Variants in EHMT1 observed in about 807,000 individuals in gnomAD.
The protein encoded by EHMT1 is euchromatic histone lysine methyltransferase 1.
EHMT1 carries 15 observed loss-of-function variants against 147.2 expected under a neutral mutation model. The observed-to-expected ratio is 0.10, with a 90% CI of 0.07 to 0.16. EHMT1 has a LOEUF of 0.16. Ranked by LOEUF, EHMT1 falls within the 10% of genes least tolerant of loss-of-function variation. The pLI, the probability that EHMT1 is intolerant of heterozygous loss-of-function variation, is 1.00. For synonymous variants in EHMT1, 795 were observed against 709.6 expected (o/e 1.12, Z -1.91); for missense variants, 1,587 against 1,772.4 (o/e 0.90, Z 1.88).
chr9:137,827,109 C>T (rs1335896459), intron 25 of EHMT1, among the ~76,000 whole-genome samples: 4 of 152,180 alleles, frequency 2.6e-5, no homozygotes, highest in Non-Finnish European at 2.9e-5. Context: ...TCTGGAGCCA[C>T]GCCTGCCCTC....
intron 1 of EHMT1, among the ~76,000 whole-genome samples, chr9:137,707,040 G>A (rs1018070204): frequency 6.6e-5 from 10 of 152,174 alleles, no homozygotes; most frequent in African/African-American, 2.4e-4. Context: ...GGCCAGACTG[G>A]TCTCCAACTC....
chr9:137,709,913 A>G (rs1944550718), intron 1 of EHMT1, among the ~76,000 whole-genome samples: 1 of 152,028 alleles, frequency 6.6e-6, no homozygotes, highest in Admixed American at 6.6e-5. Context: ...TCACATCACC[A>G]GGTGTGGGTG....
intron 1 of EHMT1, among the ~76,000 whole-genome samples, chr9:137,702,712 G>GC (rs1943938543): frequency 6.6e-6 from 1 of 152,200 alleles, no homozygotes; most frequent in African/African-American, 2.4e-5. Flanking sequence ...ACTAGGCAGT[G>GC]CCCCAGTGGA....
intron 1 of EHMT1, among the ~76,000 whole-genome samples, chr9:137,632,995 C>T (rs1843729515): frequency 6.6e-6 from 1 of 152,250 alleles, no homozygotes; most frequent in East Asian, 1.9e-4. Context: ...GGATTGTAGA[C>T]GGATGGCAGT....
chr9:137,619,481 G>T (rs1842819576), intron 1 of EHMT1, among the ~76,000 whole-genome samples: 1 of 152,080 alleles, frequency 6.6e-6, no homozygotes, highest in African/African-American at 2.4e-5. Flanking sequence ...GCCGGCCGAG[G>T]CGAGGCTGTC....
chr9:137,758,229 C>T (rs1183070544), intron 9 of EHMT1, among the ~76,000 whole-genome samples: 2 of 152,276 alleles, frequency 1.3e-5, no homozygotes, highest in African/African-American at 2.4e-5. Flanking sequence ...TAAGAGTCAA[C>T]TGGCGAAGCC....
At position 137,738,222 on chromosome 9, in the gene EHMT1, CAAAA is replaced by C. The variant is rs150259101; in HGVS notation, c.824-5144_824-5141del. Among the ~76,000 whole-genome samples, 12 of 147,878 alleles carry C rather than the reference CAAAA, an allele frequency of 8.1e-5. No individual in the cohort carries two copies. In the East Asian group the frequency reaches 1.4e-3, roughly 17 times the overall value. The stretch of plus-strand genomic sequence containing the variant: ...AAAAACAACAACAAAAAAAAAACAA[CAAAA>C]AAAACCCAAAAAAGGCAAAGGACTG... On this transcript the variant is annotated intron_variant, in intron 4 of 26. Transcript: ENST00000460843.
chr9:137,795,541 A>G (rs1246305229), intron 16 of EHMT1, among the ~76,000 whole-genome samples: 1 of 152,162 alleles, frequency 6.6e-6, no homozygotes, highest in African/African-American at 2.4e-5. Context: ...TGTGAGTGAA[A>G]TTGAGGTACC....
chr9:137,640,632 A>C (rs910144167), intron 1 of EHMT1, among the ~76,000 whole-genome samples: 2 of 152,232 alleles, frequency 1.3e-5, no homozygotes, highest in African/African-American at 4.8e-5. Flanking sequence ...TCTGAGCCCA[A>C]TATGCAGAGA....
At chr9:137,639,433 T>C (rs895055394) in intron 1 of EHMT1, among the ~76,000 whole-genome samples, 1 of 152,234 alleles carries the variant, frequency 6.6e-6, no homozygotes, top group Non-Finnish European at 1.5e-5. Context: ...TACAGTACTG[T>C]CGAATTTTAC....
intron 6 of EHMT1, among the ~76,000 whole-genome samples, chr9:137,751,067 G>A (rs923073644): frequency 5.3e-5 from 8 of 152,100 alleles, no homozygotes; most frequent in African/African-American, 9.7e-5. Context: ...TTGCAGGGTC[G>A]GTTTTAGAGT....
chr9:137,796,641 T>G (rs1952968278), intron 16 of EHMT1, among the ~76,000 whole-genome samples: 1 of 134,840 alleles, frequency 7.4e-6, no homozygotes, highest in Non-Finnish European at 1.5e-5. Context: ...GAGGCGGCAT[T>G]GGCAGTGAGC....
intron 25 of EHMT1, among the ~76,000 whole-genome samples, chr9:137,829,258 T>C (rs1415940735): frequency 6.6e-6 from 1 of 152,250 alleles, no homozygotes; most frequent in Non-Finnish European, 1.5e-5. Context: ...AAAAATGTTT[T>C]ACTTCTCTGC....
intron 17 of EHMT1, among the ~76,000 whole-genome samples, chr9:137,799,237 C>T (rs1320797025): frequency 6.6e-6 from 1 of 152,064 alleles, no homozygotes; most frequent in African/African-American, 2.4e-5. Context: ...CCTCCCTGTC[C>T]CCTTCTTCCC....
chr9:137,632,074 A>G (rs1413269413), intron 1 of EHMT1, among the ~76,000 whole-genome samples: 2 of 152,158 alleles, frequency 1.3e-5, no homozygotes, highest in East Asian at 1.9e-4. Context: ...CACACAGCCT[A>G]GATGTGTAAT....
chr9:137,657,351 T>C (rs1257496514), intron 1 of EHMT1, among the ~76,000 whole-genome samples: 2 of 152,088 alleles, frequency 1.3e-5, no homozygotes, highest in Non-Finnish European at 2.9e-5. Flanking sequence ...AGTGTCTTTC[T>C]CGTGGCAGTG....
intron 3 of EHMT1, among the ~76,000 whole-genome samples, chr9:137,724,871 G>A (rs1372796635): frequency 0.022 from 3,231 of 145,672 alleles, 113 homozygotes; most frequent in African/African-American, 0.083. Flanking sequence ...CATTCGTGGG[G>A]CAGACGTGTG....
In EHMT1 at chr9:137,743,975, A is replaced by C; in HGVS notation, c.1055A>C (p.Asp352Ala). The C allele has an allele frequency of 6.2e-7, 1 of 1,613,942 alleles. No homozygotes were observed. Among genetic ancestry groups the C allele is most frequent in the South Asian group, 1.1e-5 (1 of 91,062 alleles). Residue 352 changes from aspartate (D) to alanine (A), a missense_variant, in exon 6 of 27, where the codon GAC becomes GCC. Physicochemically the swap from Asp to Ala is moderately radical, Grantham distance 126. Coordinates refer to ENST00000460843, the MANE Select transcript of EHMT1 (RefSeq NM_024757.5). ...ESLEMDSDED[D>A]SEELEEDDGH... is the part of the protein sequence containing the mutation. The stretch of plus-strand genomic sequence containing the variant: ...CTGGAGATGGACTCGGATGAGGACG[A>C]CTCAGAGGAGCTCGAGGAGGACGAC...
At chr9:137,803,048 G>A in intron 18 of EHMT1, 1 of 1,230,806 alleles carries the variant, frequency 8.1e-7, no homozygotes, top group Non-Finnish European at 1.0e-6. Context: ...GAGACTGCGT[G>A]GCGGGGAAGG....
Sources: gnomAD v4.1 joint callset for allele counts (sites outside exome capture counted in the v4.1 genomes callset) on GRCh38, gnomAD v4.1.1 for gene constraint, MANE v1.5 for transcripts, NCBI Gene and HGNC (gene_info 2026-07-23, HGNC 2026-07-21) for gene names.